The following ARAP2 variants were observed in gnomAD, a reference collection of about 807,000 sequenced individuals.
ARAP2 encodes ArfGAP with RhoGAP domain, ankyrin repeat and PH domain 2.
A neutral mutation model predicts 194.5 loss-of-function variants in ARAP2; 148 were observed. The ratio of observed to expected loss-of-function variants is 0.76; its 90% CI spans 0.67 to 0.87. ARAP2 has a LOEUF of 0.87. Among genes scored for constraint, ARAP2 ranks in the 40% least tolerant of loss-of-function variants. The pLI is 0.00. For missense variants in ARAP2, 2,128 were observed against 1,989.7 expected, an observed-to-expected ratio of 1.07 and a Z score of -1.32; for synonymous variants, 695 against 683.5, an observed-to-expected ratio of 1.02 and a Z score of -0.26.
chr4:36,175,180 T>A (rs1030962561), intron 9 of ARAP2, among the ~76,000 whole-genome samples: 4 of 152,248 alleles, frequency 2.6e-5, no homozygotes, highest in Non-Finnish European at 5.9e-5. Context: ...TACATTTTTA[T>A]GATGAATAGA....
intron 5 of ARAP2, among the ~76,000 whole-genome samples, chr4:36,045,015 A>AG (rs1721566656): frequency 6.6e-6 from 1 of 152,196 alleles, no homozygotes; most frequent in Admixed American, 6.5e-5. Context: ...AACTCATCAT[A>AG]CCTGTTAGAA....
intron 9 of ARAP2, among the ~76,000 whole-genome samples, chr4:36,170,270 C>A (rs902133360): frequency 6.6e-6 from 1 of 152,130 alleles, no homozygotes; most frequent in Admixed American, 6.5e-5. Context: ...TATAAGTATG[C>A]AATATGTAAC....
chr4:36,072,144 TTTCA>T (rs1054458329), intron 32 of ARAP2, among the ~76,000 whole-genome samples: 2 of 152,094 alleles, frequency 1.3e-5, no homozygotes, highest in African/African-American at 2.4e-5. Flanking sequence ...ATAAAGTAAG[TTTCA>T]TTATGTTTTT....
intron 28 of ARAP2, among the ~76,000 whole-genome samples, chr4:36,088,296 T>A (rs1712485816): frequency 6.6e-6 from 1 of 152,070 alleles, no homozygotes. Context: ...GGCGGTCCAC[T>A]GCACAAAACC....
intron 9 of ARAP2, among the ~76,000 whole-genome samples, chr4:36,011,510 A>G (rs1213733678): frequency 6.6e-6 from 1 of 152,136 alleles, no homozygotes; most frequent in Non-Finnish European, 1.5e-5. Flanking sequence ...TCCCAGCCTT[A>G]TTTTATCACC....
At chr4:36,040,583 G>A (rs1193369064) in intron 5 of ARAP2, among the ~76,000 whole-genome samples, 3 of 152,080 alleles carry the variant, frequency 2.0e-5, no homozygotes, top group African/African-American at 7.2e-5. Context: ...GTATTCCTAG[G>A]TATTTTATGC....
chr4:36,107,540 T>C, intron 27 of ARAP2, 25 bp downstream of exon 27: 5 of 1,586,660 alleles, frequency 3.2e-6, no homozygotes, highest in Non-Finnish European at 4.3e-6. Context: ...CAATCATAGC[T>C]GCAATGTGAA....
At chr4:36,173,045 G>C (rs943268818) in intron 9 of ARAP2, among the ~76,000 whole-genome samples, 2 of 152,134 alleles carry the variant, frequency 1.3e-5, no homozygotes, top group African/African-American at 4.8e-5. Flanking sequence ...CCTGATTTGA[G>C]AATGTTTAAT....
Position 36,098,511 on chromosome 4 carries a change from T to G in ARAP2, c.4286-6491A>C, listed in dbSNP as rs987002122. Among the ~76,000 whole-genome samples the G allele has an allele frequency of 2.6e-5, 4 of 152,078 alleles. No individual in the cohort carries two copies. The East Asian group carries it at 5.8e-4, about 22-fold the overall frequency. Reference sequence around the variant, plus strand: ...CTGTTCTAATGATTAAAGCCTTACCTTCCTAAAGCCAAAAGCCTACACTCC... The same window carrying G: ...CTGTTCTAATGATTAAAGCCTTACCGTCCTAAAGCCAAAAGCCTACACTCC... On this transcript the variant is annotated intron_variant, in intron 27 of 32. Transcript: ENST00000303965.
chr4:36,140,605 C>T (rs2109662507), intron 19 of ARAP2, among the ~76,000 whole-genome samples: 1 of 151,740 alleles, frequency 6.6e-6, no homozygotes, highest in East Asian at 1.9e-4. Context: ...ATAATTCAGC[C>T]TCTGGAGTAT....
At chr4:36,237,040 T>C (rs1752582017) in intron 1 of ARAP2, among the ~76,000 whole-genome samples, 1 of 152,224 alleles carries the variant, frequency 6.6e-6, no homozygotes, top group African/African-American at 2.4e-5. Context: ...TACCTTTACA[T>C]TTAACTGCCC....
chr4:36,160,793 TATG>T (rs1408274567), intron 12 of ARAP2, 152 bp from the exon 13 acceptor site: 2 of 638,224 alleles, frequency 3.1e-6, no homozygotes, highest in Non-Finnish European at 4.6e-6. Flanking sequence ...AAAAAGGAAG[TATG>T]AAAGCAGATA....
intron 1 of ARAP2, among the ~76,000 whole-genome samples, chr4:36,234,044 G>A (rs778418947): frequency 2.0e-5 from 3 of 152,146 alleles, no homozygotes; most frequent in African/African-American, 2.4e-5. Flanking sequence ...GACTGAAAAC[G>A]CATGGCTGAC....
chr4:36,067,797 T>A lies in ARAP2; in HGVS notation c.*110A>T. 1 of 1,315,282 alleles carries A rather than the reference T, an allele frequency of 7.6e-7. No individual in the cohort carries two copies. 81.5% of individuals were successfully genotyped at this position (1,315,282 alleles called of 1,614,324 possible). A position where few individuals can be genotyped will look rare whatever the true frequency, so the allele number is the denominator to read the frequency against. On this transcript the variant is annotated 3_prime_UTR_variant, in exon 33 of 33. Coordinates refer to ENST00000303965, the MANE Select transcript of ARAP2 (RefSeq NM_015230.4). ...ATGCCTAAGCATAGACAAATTTGCC[T>A]ATCAATAGGCAAATTCTTATGAATT...
At chr4:36,166,805 A>G in intron 10 of ARAP2, 127 bp downstream of exon 10, 1 of 447,526 alleles carries the variant, frequency 2.2e-6, no homozygotes, top group Non-Finnish European at 3.8e-6. Context: ...CAAATTAGAC[A>G]ATATGGAAAA....
rs569144058 is a variant in ARAP2, at chr4:36,192,168, G to GT, written c.1557+1409dup. Among the ~76,000 whole-genome samples the GT allele has an allele frequency of 4.0e-3, 400 of 100,706 alleles. 11 individuals carry two copies. The highest frequency in any genetic ancestry group is 0.011 in the African/African-American group (263 of 24,606). 66.1% of individuals were successfully genotyped at this position (100,706 alleles called of 152,430 possible). On this transcript the variant is annotated intron_variant, in intron 7 of 32. Transcript: ENST00000303965. ...AGGAAACACCAAATCCAGTGTTTCT[G>GT]TTTTTTTTTTTTTTTTTTTTTTTTT...
intron 1 of ARAP2, among the ~76,000 whole-genome samples, chr4:36,230,689 G>A (rs367881654): frequency 3.3e-5 from 5 of 152,258 alleles, no homozygotes; most frequent in African/African-American, 1.2e-4. Context: ...AAAAAGTACA[G>A]AGCAGGCATG....
At position 36,054,218 on chromosome 4, in the gene ARAP2, T is replaced by C. The variant is rs146788318; in HGVS notation, n.322-2165A>G. On this transcript the variant is annotated intron_variant and non_coding_transcript_variant, in intron 2 of 12. Coordinates refer to the ARAP2 transcript ENST00000503225. ...ATCAGAGCAGCAATTGCATTAGTCA[T>C]CTGCAGTAAGGTTAACTAACCTTTT... Among the ~76,000 whole-genome samples, 186 of 152,324 alleles carry C rather than the reference T, an allele frequency of 1.2e-3. 3 individuals carry two copies. The East Asian group carries it at 0.025, about 21-fold the overall frequency.
intron 5 of ARAP2, among the ~76,000 whole-genome samples, chr4:36,030,535 C>G (rs952181345): frequency 1.3e-5 from 2 of 151,966 alleles, no homozygotes; most frequent in Non-Finnish European, 2.9e-5. Flanking sequence ...ATGTAATTCA[C>G]CTTGAAACGT....
Sources: allele counts gnomAD v4.1 joint callset (sites outside exome capture counted in the v4.1 genomes callset), GRCh38; gene constraint gnomAD v4.1.1; transcripts MANE v1.5; gene names NCBI Gene and HGNC (gene_info 2026-07-23, HGNC 2026-07-21).